The following RBPMS variants were observed in gnomAD, a reference collection of about 807,000 sequenced individuals.
The protein encoded by RBPMS is RNA-binding protein with multiple splicing.
RBPMS carries 7 observed loss-of-function variants against 26.8 expected under a neutral mutation model. The ratio of observed to expected loss-of-function variants is 0.26; its 90% CI spans 0.15 to 0.49. The LOEUF is 0.49. Among genes scored for constraint, RBPMS ranks in the 20% least tolerant of loss-of-function variants. The probability of loss-of-function intolerance (pLI) is 0.98; values close to 1 mark genes in which losing one functional copy is unlikely to be tolerated. For synonymous variants in RBPMS, 96 were observed against 93.3 expected (o/e 1.03, Z -0.17); for missense variants, 186 against 250.0 (o/e 0.74, Z 1.73).
At chr8:30,419,121 A>G (rs1810438109) in intron 1 of RBPMS, among the ~76,000 whole-genome samples, 1 of 151,976 alleles carries the variant, frequency 6.6e-6, no homozygotes, top group Non-Finnish European at 1.5e-5. Context: ...CAGATGAGAA[A>G]AACACAAAAA....
intron 1 of RBPMS, among the ~76,000 whole-genome samples, chr8:30,388,778 C>T (rs1007120280): frequency 6.6e-6 from 1 of 152,014 alleles, no homozygotes; most frequent in South Asian, 2.1e-4. Context: ...TGTAAAACAT[C>T]TTTAAAAGGC....
rs76790243 is a variant in RBPMS at position 30,454,682 on chromosome 8, A to T, written c.67-20097A>T. On this transcript the variant is annotated intron_variant, in intron 1 of 8. Transcript: ENST00000397323. ...TATTGGAGTAATCCTTGTGTCTCAGACAAAAAGATGAATTATCAAATACTT... is the reference window on the plus strand; with the variant it reads ...TATTGGAGTAATCCTTGTGTCTCAGTCAAAAAGATGAATTATCAAATACTT... 7.9e-4 allele frequency among the ~76,000 whole-genome samples: 120 copies of T among 152,332 alleles called. 2 individuals carry two copies. In the East Asian group the frequency reaches 0.017, roughly 22 times the overall value.
intron 6 of RBPMS, chr8:30,545,060 G>A (rs763411096): frequency 7.0e-5 from 98 of 1,390,108 alleles, no homozygotes; most frequent in African/African-American, 1.4e-4. Flanking sequence ...TCTCGTGTAC[G>A]GTGAGAAGAA....
intron 2 of RBPMS, 59 bp from the exon 3 acceptor site, chr8:30,477,740 G>A: frequency 8.5e-7 from 1 of 1,177,588 alleles, no homozygotes; most frequent in Non-Finnish European, 1.3e-6. Flanking sequence ...ATTTTTACAT[G>A]AACAAGATGG....
At chr8:30,462,727 T>C (rs1449908899) in intron 1 of RBPMS, among the ~76,000 whole-genome samples, 14 of 152,082 alleles carry the variant, frequency 9.2e-5, no homozygotes, top group Non-Finnish European at 2.1e-4. Context: ...GTGCCTGGCC[T>C]GATTTTTTGT....
At chr8:30,567,371 G>A (rs10110790) in intron 8 of RBPMS, among the ~76,000 whole-genome samples, 4,151 of 152,258 alleles carry the variant, frequency 0.027, 195 homozygotes, top group African/African-American at 0.095. Context: ...ACAGGAAGCC[G>A]GACCCTGCAC....
intron 1 of RBPMS, among the ~76,000 whole-genome samples, chr8:30,434,990 A>G (rs1812300238): frequency 6.6e-6 from 1 of 151,202 alleles, no homozygotes; most frequent in South Asian, 2.1e-4. Flanking sequence ...TGAACTTCCA[A>G]AGAAGACATC....
chr8:30,558,550 C>T (rs1211157219), intron 6 of RBPMS: 3 of 436,690 alleles, frequency 6.9e-6, no homozygotes, highest in African/African-American at 6.0e-5. Context: ...CCAGCCTAGG[C>T]CTGGGAAAAG....
chr8:30,484,247 A>G (rs558235968), intron 4 of RBPMS, among the ~76,000 whole-genome samples: 2 of 152,222 alleles, frequency 1.3e-5, no homozygotes, highest in East Asian at 1.9e-4. Context: ...ATACGAAGCA[A>G]TCGTGGATTC....
chr8:30,561,863 G>C, intron 7 of RBPMS: 1 of 985,218 alleles, frequency 1.0e-6, no homozygotes, highest in Non-Finnish European at 1.2e-6. Context: ...TTGTGAAGCA[G>C]TTGCGTGGGT....
At position 30,532,027 on chromosome 8, in the gene RBPMS, G is replaced by A. The variant is rs576475643; in HGVS notation, c.398-12467G>A. Reference sequence around the variant, plus strand: ...ATTTCCCTGGTGAAGCTGGAGGGCTGTGAGATTTCTTTTAAAGAAAGTCTT... The same window carrying A: ...ATTTCCCTGGTGAAGCTGGAGGGCTATGAGATTTCTTTTAAAGAAAGTCTT... On this transcript the variant is annotated intron_variant, in intron 5 of 8. Coordinates refer to ENST00000397323, the MANE Select transcript of RBPMS (RefSeq NM_001008710.3). Among the ~76,000 whole-genome samples, 4 of 152,298 alleles carry A rather than the reference G, an allele frequency of 2.6e-5. No individual in the cohort carries two copies. The South Asian group carries it at 8.3e-4, about 32-fold the overall frequency.
intron 5 of RBPMS, chr8:30,537,767 G>A: frequency 2.5e-6 from 1 of 400,258 alleles, no homozygotes. Context: ...GATGATTGGT[G>A]CACAGAATGT....
At chr8:30,413,188 C>G (rs1262846941) in intron 1 of RBPMS, among the ~76,000 whole-genome samples, 1 of 152,182 alleles carries the variant, frequency 6.6e-6, no homozygotes, top group Admixed American at 6.5e-5. Context: ...AAGTGATTCT[C>G]CTGCCTCAGC....
intron 4 of RBPMS, among the ~76,000 whole-genome samples, chr8:30,495,071 A>G (rs1819786585): frequency 1.3e-5 from 2 of 152,198 alleles, no homozygotes; most frequent in South Asian, 4.1e-4. Context: ...AGGCTTCTCT[A>G]TCATGGCCAA....
intron 4 of RBPMS, among the ~76,000 whole-genome samples, chr8:30,503,150 A>G (rs1358813586): frequency 6.6e-6 from 1 of 152,030 alleles, no homozygotes; most frequent in Non-Finnish European, 1.5e-5. Context: ...TGTTAATGCC[A>G]TTACCATCCA....
chr8:30,537,710 A>G (rs1824945838), intron 5 of RBPMS: 2 of 452,708 alleles, frequency 4.4e-6, no homozygotes, highest in Non-Finnish European at 8.9e-6. Flanking sequence ...GCTGTGTCTC[A>G]GCTTTCTCAT....
chr8:30,432,786 T>C (rs998576722), intron 1 of RBPMS, among the ~76,000 whole-genome samples: 2 of 148,126 alleles, frequency 1.4e-5, no homozygotes, highest in Non-Finnish European at 3.0e-5. Flanking sequence ...GACCACCTTG[T>C]TCTTGTTAGA....
intron 5 of RBPMS, among the ~76,000 whole-genome samples, chr8:30,526,020 T>C (rs1364347867): frequency 6.6e-6 from 1 of 152,232 alleles, no homozygotes; most frequent in African/African-American, 2.4e-5. Context: ...GATGTCCTTT[T>C]GATGAAAAGC....
chr8:30,413,154 C>T (rs1227685442), intron 1 of RBPMS, among the ~76,000 whole-genome samples: 1 of 152,106 alleles, frequency 6.6e-6, no homozygotes, highest in African/African-American at 2.4e-5. Context: ...TCTTGGCTCA[C>T]TGCAGCCTCT....
Sources: gnomAD v4.1 joint callset for allele counts (sites outside exome capture counted in the v4.1 genomes callset) on GRCh38, gnomAD v4.1.1 for gene constraint, MANE v1.5 for transcripts, NCBI Gene and HGNC (gene_info 2026-07-23, HGNC 2026-07-21) for gene names.